Variants in DPP4 observed in about 807,000 individuals in gnomAD.
DPP4 encodes dipeptidyl peptidase 4.
DPP4 carries 93 observed loss-of-function variants against 122.4 expected under a neutral mutation model. The ratio of observed to expected loss-of-function variants is 0.76; its 90% confidence interval spans 0.64 to 0.90. DPP4 has a LOEUF of 0.90. DPP4 is among the 40% of genes least tolerant of loss of function. The pLI, the probability that DPP4 is intolerant of heterozygous loss-of-function variation, is 0.00. For missense variants in DPP4, 914 were observed against 907.3 expected (o/e 1.01, Z -0.09); for synonymous variants, 321 against 302.9 (o/e 1.06, Z -0.62).
At position 162,038,378 on chromosome 2, in the gene DPP4, A is replaced by G; in HGVS notation, c.537T>C (p.Asn179=). The G allele has an allele frequency of 6.2e-7, 1 of 1,609,008 alleles. No individual in the cohort carries two copies. The highest frequency in any genetic ancestry group is 8.5e-7 in the Non-Finnish European group (1 of 1,177,338). The change falls in exon 8 of 26, where the codon AAT becomes AAC. Residue 179 remains asparagine, a synonymous_variant. Coordinates refer to ENST00000360534, the MANE Select transcript of DPP4 (RefSeq NM_001935.4). ...TCCATGTGATTCTGTAACTTGGTAA[A>G]TTTGGTTCAATTTTAACATAAATGT... is the stretch of plus-strand genomic sequence containing the variant. ...NNDIYVKIEP[N]LPSYRITWTG...
chr2:161,994,260 T>C (rs2106066180), intron 25 of DPP4, among the ~76,000 whole-genome samples: 1 of 152,352 alleles, frequency 6.6e-6, no homozygotes, highest in East Asian at 1.9e-4. Flanking sequence ...CTCCTGTGCA[T>C]TGGGCACCAT....
chr2:162,041,819 T>C (rs1351711388), intron 5 of DPP4, among the ~76,000 whole-genome samples: 1 of 152,172 alleles, frequency 6.6e-6, no homozygotes, highest in Non-Finnish European at 1.5e-5. Context: ...CTGGCAGCTA[T>C]CATCTATCAG....
Position 162,024,857 on chromosome 2 carries a change from C to A in DPP4, c.970G>T (p.Val324Phe). The A allele has an allele frequency of 1.2e-6, 2 of 1,613,940 alleles. No individual in the cohort carries two copies. The highest frequency in any genetic ancestry group is 1.7e-6 in the Non-Finnish European group (2 of 1,180,020). The change falls in exon 11 of 26, where the codon GTC becomes TTC. Residue 324 changes from valine (V) to phenylalanine (F), a missense_variant. Physicochemically the swap from Val to Phe is conservative, Grantham distance 50 (BLOSUM62 -1). Coordinates refer to ENST00000360534, the MANE Select transcript of DPP4 (RefSeq NM_001935.4). The part of the protein sequence containing the change: ...QWLRRIQNYS[V>F]MDICDYDESS... The stretch of plus-strand genomic sequence containing the variant: ...TCATCATAGTCACAAATATCCATGA[C>A]CGAATAGTTCTGAATCCTCCTGAGC...
intron 15 of DPP4, 88 bp from the exon 16 acceptor site, chr2:162,018,938 A>G: frequency 6.6e-7 from 1 of 1,526,454 alleles, no homozygotes; most frequent in Non-Finnish European, 8.9e-7. Context: ...AGTTTCAAAG[A>G]CAGCAGCATG....
At chr2:162,046,092 T>C (rs1684165033) in intron 4 of DPP4, among the ~76,000 whole-genome samples, 1 of 152,170 alleles carries the variant, frequency 6.6e-6, no homozygotes, top group Non-Finnish European at 1.5e-5. Context: ...AGTGATAGAA[T>C]CATATCTATC....
intron 2 of DPP4, among the ~76,000 whole-genome samples, chr2:162,055,891 C>A (rs909799595): frequency 1.3e-5 from 2 of 152,134 alleles, no homozygotes; most frequent in Non-Finnish European, 2.9e-5. Context: ...TTTAGTTCCC[C>A]CTCCTCCTAT....
At chr2:162,029,421 C>T (rs953605071) in intron 10 of DPP4, among the ~76,000 whole-genome samples, 2 of 152,230 alleles carry the variant, frequency 1.3e-5, no homozygotes, top group Non-Finnish European at 2.9e-5. Flanking sequence ...ACCCTCTGCT[C>T]TGATGGGGAT....
At chr2:162,007,418 G>T (rs1454173617) in intron 22 of DPP4, among the ~76,000 whole-genome samples, 5 of 151,960 alleles carry the variant, frequency 3.3e-5, no homozygotes, top group Admixed American at 2.0e-4. Context: ...AAAATATTAT[G>T]CATAACTGCA....
chr2:162,042,631 AAAAG>A (rs1027635944), intron 5 of DPP4, among the ~76,000 whole-genome samples: 22 of 152,280 alleles, frequency 1.4e-4, no homozygotes, highest in South Asian at 4.1e-4. Context: ...TAAAAAAAAA[AAAAG>A]AAAGAAAAGT....
In DPP4 at chr2:161,993,216, C is replaced by T. The variant is rs16846222; in HGVS notation, c.*67G>A. 6.1e-4 allele frequency: 720 copies of T among 1,183,944 alleles called. 1 individual carries two copies. In the African/African-American group the frequency reaches 1.0e-2, roughly 16 times the overall value. The allele number at this position is 1,183,944 out of a possible 1,614,324, so 73.3% of individuals were successfully genotyped here. On this transcript the variant is annotated 3_prime_UTR_variant, in exon 26 of 26. Coordinates refer to ENST00000360534, the MANE Select transcript of DPP4 (RefSeq NM_001935.4). ...AAAGATCATCATCATCTTGACAGTG[C>T]AGTTTTGAGATAATGAAAACAAAAA...
intron 2 of DPP4, among the ~76,000 whole-genome samples, chr2:162,069,484 CTT>C (rs1283877559): frequency 2.0e-5 from 3 of 152,166 alleles, no homozygotes; most frequent in Non-Finnish European, 2.9e-5. Context: ...TTGTGATCCC[CTT>C]TGAGAAGAGA....
chr2:162,048,078 C>T (rs1684253240), intron 2 of DPP4, among the ~76,000 whole-genome samples: 1 of 152,140 alleles, frequency 6.6e-6, no homozygotes, highest in Admixed American at 6.6e-5. Context: ...CTAGATCATC[C>T]TTTTCAGAGG....
chr2:162,022,260 G>A (rs1312559662), intron 12 of DPP4, among the ~76,000 whole-genome samples: 1 of 152,198 alleles, frequency 6.6e-6, no homozygotes, highest in Non-Finnish European at 1.5e-5. Context: ...GCATCTGGAC[G>A]CCTAATAAAG....
intron 23 of DPP4, 52 bp from the exon 24 acceptor site, chr2:161,995,424 T>G: frequency 6.6e-7 from 1 of 1,522,428 alleles, no homozygotes. Context: ...TGCCATAAAC[T>G]GATTTTTCAC....
intron 2 of DPP4, among the ~76,000 whole-genome samples, chr2:162,069,104 T>C (rs186695652): frequency 6.4e-4 from 97 of 152,316 alleles, no homozygotes; most frequent in African/African-American, 2.3e-3. Flanking sequence ...TTGTTTTAAG[T>C]TCTGAGGTAA....
intron 2 of DPP4, among the ~76,000 whole-genome samples, chr2:162,053,108 G>A (rs1684439339): frequency 6.6e-6 from 1 of 152,206 alleles, no homozygotes; most frequent in African/African-American, 2.4e-5. Context: ...ATTTGGAAAA[G>A]TCTCAGCCTG....
chr2:161,998,025 G>C (rs1045342262), intron 23 of DPP4, among the ~76,000 whole-genome samples: 1 of 152,166 alleles, frequency 6.6e-6, no homozygotes, highest in Non-Finnish European at 1.5e-5. Context: ...TAATAATAAT[G>C]GGTATCCTTT....
chr2:162,016,981 A>T, intron 17 of DPP4, 115 bp from the exon 18 acceptor site: 1 of 1,403,740 alleles, frequency 7.1e-7, no homozygotes, highest in South Asian at 1.3e-5. Context: ...ACTTCAGGTT[A>T]TAAGGCTTGT....
In DPP4 at chr2:162,062,423, G is replaced by T. The variant is rs115709593; in HGVS notation, c.94+10976C>A. On this transcript the variant is annotated intron_variant, in intron 2 of 25. Transcript: ENST00000360534. ...CAGCTTAGAGTTCTAAAAGTCAGCA[G>T]TCCAGCCCATTTTGCTGAGTTCTCT... 3.6e-3 allele frequency among the ~76,000 whole-genome samples: 550 copies of T among 152,338 alleles called. 4 individuals are homozygous for T. Among genetic ancestry groups the T allele is most frequent in the African/African-American group, 0.013 (524 of 41,576 alleles).
Sources: gnomAD v4.1 joint callset for allele counts (sites outside exome capture counted in the v4.1 genomes callset) on GRCh38, gnomAD v4.1.1 for gene constraint, MANE v1.5 for transcripts, NCBI Gene and HGNC (gene_info 2026-07-23, HGNC 2026-07-21) for gene names.